Variants in CADM2 observed in about 807,000 individuals in gnomAD.
CADM2 encodes the protein cell adhesion molecule 2.
Under a neutral mutation model 49.8 loss-of-function variants are expected in CADM2, and 12 were observed. The observed-to-expected ratio is 0.24, with a 90% CI of 0.15 to 0.39. CADM2 has a LOEUF of 0.39. Ranked by LOEUF, CADM2 falls within the 10% of genes least tolerant of loss-of-function variation. The pLI, the probability that CADM2 is intolerant of heterozygous loss-of-function variation, is 1.00. For missense variants in CADM2, 378 were observed against 492.3 expected, an observed-to-expected ratio of 0.77 and a Z score of 2.20; for synonymous variants, 214 against 175.4, an observed-to-expected ratio of 1.22 and a Z score of -1.74.
intron 1 of CADM2, among the ~76,000 whole-genome samples, chr3:85,245,164 G>C (rs145187166): frequency 6.6e-6 from 1 of 152,096 alleles, no homozygotes; most frequent in South Asian, 2.1e-4. Flanking sequence ...ATTTTCATAA[G>C]TCTGGATGAG....
At chr3:85,275,895 C>T (rs1478352645) in intron 1 of CADM2, among the ~76,000 whole-genome samples, 1 of 151,018 alleles carries the variant, frequency 6.6e-6, no homozygotes, top group Non-Finnish European at 1.5e-5. Flanking sequence ...TAAAGAACCT[C>T]AGGGTCATTA....
intron 1 of CADM2, among the ~76,000 whole-genome samples, chr3:85,097,120 G>C (rs2037829211): frequency 6.6e-6 from 1 of 152,024 alleles, no homozygotes. Flanking sequence ...TTTAGCATTT[G>C]GTATATATCC....
At chr3:85,255,262 C>T (rs7625540) in intron 1 of CADM2, among the ~76,000 whole-genome samples, 8 of 152,064 alleles carry the variant, frequency 5.3e-5, no homozygotes, top group South Asian at 2.1e-4. Flanking sequence ...GTCAAATTGC[C>T]TGGGTCCATA....
intron 1 of CADM2, among the ~76,000 whole-genome samples, chr3:85,067,817 A>C (rs936911810): frequency 9.2e-5 from 14 of 152,198 alleles, no homozygotes; most frequent in African/African-American, 3.4e-4. Context: ...TTTATTAAAA[A>C]ATCATTTAGT....
chr3:85,242,988 T>G (rs887718072), intron 1 of CADM2, among the ~76,000 whole-genome samples: 1 of 151,770 alleles, frequency 6.6e-6, no homozygotes, highest in African/African-American at 2.4e-5. Flanking sequence ...ATTGTTGTAT[T>G]GACTTCAATA....
chr3:85,547,622 T>C (rs1407532601), intron 1 of CADM2, among the ~76,000 whole-genome samples: 1 of 152,180 alleles, frequency 6.6e-6, no homozygotes, highest in Non-Finnish European at 1.5e-5. Context: ...TGTGATTGCT[T>C]AGGCCCTTTC....
At chr3:85,668,510 G>A (rs2065643065) in intron 1 of CADM2, among the ~76,000 whole-genome samples, 1 of 151,998 alleles carries the variant, frequency 6.6e-6, no homozygotes, top group Non-Finnish European at 1.5e-5. Context: ...GGAACCCAGT[G>A]GGAGATAATT....
intron 1 of CADM2, among the ~76,000 whole-genome samples, chr3:85,170,958 T>C (rs1187326637): frequency 2.0e-5 from 3 of 152,216 alleles, no homozygotes; most frequent in Non-Finnish European, 4.4e-5. Context: ...GGGGCTTTTT[T>C]TCAGTTAACT....
chr3:85,690,829 G>A (rs922884633), intron 1 of CADM2, among the ~76,000 whole-genome samples: 4 of 152,050 alleles, frequency 2.6e-5, no homozygotes, highest in Admixed American at 2.0e-4. Context: ...GGTACAGTGC[G>A]ATATTTCTAT....
At chr3:85,201,059 C>T (rs2041487338) in intron 1 of CADM2, among the ~76,000 whole-genome samples, 2 of 151,992 alleles carry the variant, frequency 1.3e-5, no homozygotes, top group Admixed American at 1.3e-4. Flanking sequence ...TTGTAAGCAT[C>T]CTCTTATTCG....
At chr3:85,520,552 A>G (rs2061007002) in intron 1 of CADM2, among the ~76,000 whole-genome samples, 1 of 152,094 alleles carries the variant, frequency 6.6e-6, no homozygotes, top group Non-Finnish European at 1.5e-5. Context: ...TCTTGCAATT[A>G]TATTTTTAGG....
chr3:85,364,284 A>T (rs2032583154), intron 1 of CADM2, among the ~76,000 whole-genome samples: 1 of 152,184 alleles, frequency 6.6e-6, no homozygotes, highest in Non-Finnish European at 1.5e-5. Context: ...TAAATCTGGC[A>T]GTACCATAGA....
chr3:85,406,765 G>A lies in CADM2; in HGVS notation c.62-319757G>A, dbSNP rs187664419. Reference sequence around the variant, plus strand: ...CAATTTCACCTCTTGAATATTGTTCGCTTGTTTTCACTTTTTTTTTCTTTC... The same window carrying A: ...CAATTTCACCTCTTGAATATTGTTCACTTGTTTTCACTTTTTTTTTCTTTC... On this transcript the variant is annotated intron_variant, in intron 1 of 9. Transcript: ENST00000383699. Among the ~76,000 whole-genome samples the A allele has an allele frequency of 2.7e-3, 417 of 152,024 alleles. 1 individual carries two copies. Among genetic ancestry groups the A allele is most frequent in the Non-Finnish European group, 4.2e-3 (284 of 67,980 alleles).
At chr3:85,033,448 T>C (rs2035076475) in intron 1 of CADM2, among the ~76,000 whole-genome samples, 1 of 152,220 alleles carries the variant, frequency 6.6e-6, no homozygotes, top group Non-Finnish European at 1.5e-5. Flanking sequence ...TGTTGAAATA[T>C]ACCCAAGACA....
At chr3:85,155,742 C>G (rs1267405163) in intron 1 of CADM2, among the ~76,000 whole-genome samples, 4 of 152,192 alleles carry the variant, frequency 2.6e-5, no homozygotes, top group African/African-American at 9.7e-5. Context: ...CAAACTATCT[C>G]TCAGACCACA....
chr3:85,353,614 C>T (rs1188907314), intron 1 of CADM2, among the ~76,000 whole-genome samples: 1 of 144,694 alleles, frequency 6.9e-6, no homozygotes, highest in Non-Finnish European at 1.5e-5. Flanking sequence ...TGTTTGTTTT[C>T]CTTTACTTAG....
intron 1 of CADM2, among the ~76,000 whole-genome samples, chr3:85,644,415 G>A (rs968587582): frequency 2.6e-5 from 4 of 152,098 alleles, no homozygotes; most frequent in African/African-American, 9.7e-5. Flanking sequence ...TTCAGCATAT[G>A]AATAGTGGTG....
At chr3:85,169,249 C>T (rs377537432) in intron 1 of CADM2, among the ~76,000 whole-genome samples, 1 of 152,118 alleles carries the variant, frequency 6.6e-6, no homozygotes, top group East Asian at 1.9e-4. Context: ...TCACCTTGGC[C>T]TTCCAAAGTG....
intron 1 of CADM2, among the ~76,000 whole-genome samples, chr3:85,112,774 C>A (rs1355602561): frequency 6.6e-6 from 1 of 151,570 alleles, no homozygotes; most frequent in Non-Finnish European, 1.5e-5. Flanking sequence ...TAACGTTAGA[C>A]TTTCATAAAG....
Sources: allele counts gnomAD v4.1 joint callset (sites outside exome capture counted in the v4.1 genomes callset), GRCh38; gene constraint gnomAD v4.1.1; transcripts MANE v1.5; gene names NCBI Gene and HGNC (gene_info 2026-07-23, HGNC 2026-07-21).